SNTG2: variants seen among roughly 807,000 people sequenced by gnomAD.
The protein encoded by SNTG2 is gamma-2-syntrophin.
A neutral mutation model predicts 70.9 loss-of-function variants in SNTG2; 74 were observed. The ratio of observed to expected loss-of-function variants is 1.04; its 90% CI spans 0.86 to 1.27. The LOEUF (loss-of-function observed/expected upper bound fraction) is 1.27, where lower values mean the gene tolerates loss of function less well. Among genes scored for constraint, SNTG2 ranks in the 50% most tolerant of loss-of-function variants. The probability of loss-of-function intolerance (pLI) is 0.00; values close to 1 mark genes in which losing one functional copy is unlikely to be tolerated. For missense variants in SNTG2, 717 were observed against 690.7 expected, an observed-to-expected ratio of 1.04 and a Z score of -0.43; for synonymous variants, 278 against 273.8, an observed-to-expected ratio of 1.02 and a Z score of -0.15.
chr2:977,630 G>A lies in SNTG2; in HGVS notation c.72+26562G>A, dbSNP rs1000341884. 2.6e-5 allele frequency among the ~76,000 whole-genome samples: 4 copies of A among 152,080 alleles called. No individual in the cohort carries two copies. In the East Asian group the frequency reaches 5.8e-4, roughly 22 times the overall value. The stretch of plus-strand genomic sequence containing the variant: ...CAATGGTCCATCTTGCCTGTGAGTC[G>A]TAAGTCAGGTCTCATCCCCTTGGTG... On this transcript the variant is annotated intron_variant, in intron 1 of 16. Transcript: ENST00000308624.
At chr2:1,364,056 C>T (rs539611381) in intron 16 of SNTG2, among the ~76,000 whole-genome samples, 194 of 152,218 alleles carry the variant, frequency 1.3e-3, no homozygotes, top group Middle Eastern at 3.4e-3. Context: ...CTGCAACTTC[C>T]GCCTCCCGGG....
chr2:1,132,944 T>C (rs1413389944), intron 4 of SNTG2, among the ~76,000 whole-genome samples: 1 of 152,200 alleles, frequency 6.6e-6, no homozygotes, highest in Non-Finnish European at 1.5e-5. Context: ...TTGTTTAGTT[T>C]TGCTTGGTTT....
chr2:965,186 GGTCCCCAGTCCTCCTCCTGGTCCCCAA>G (rs1316527077), intron 1 of SNTG2, among the ~76,000 whole-genome samples: 1 of 123,754 alleles, frequency 8.1e-6, no homozygotes. Flanking sequence ...TCCTCCTCCT[GGTCCCCAGTCCTCCTCCTGGTCCCCAA>G]TCCTCCTCCT....
At chr2:956,317 C>T (rs905603436) in intron 1 of SNTG2, among the ~76,000 whole-genome samples, 8 of 151,768 alleles carry the variant, frequency 5.3e-5, no homozygotes, top group East Asian at 3.9e-4. Flanking sequence ...GCATTCTGCG[C>T]GGACCTTTCC....
At chr2:1,312,602 G>T (rs113766476) in intron 15 of SNTG2, among the ~76,000 whole-genome samples, 1 of 152,170 alleles carries the variant, frequency 6.6e-6, no homozygotes, top group African/African-American at 2.4e-5. Context: ...CAGAACCACC[G>T]CAGGATTCAC....
intron 8 of SNTG2, among the ~76,000 whole-genome samples, chr2:1,174,572 C>T (rs894018217): frequency 1.3e-5 from 2 of 152,068 alleles, no homozygotes; most frequent in African/African-American, 2.4e-5. Context: ...TTTCTGAGTG[C>T]TAGATTATAC....
At chr2:1,016,935 A>T (rs555418780) in intron 1 of SNTG2, among the ~76,000 whole-genome samples, 2 of 152,274 alleles carry the variant, frequency 1.3e-5, no homozygotes, top group South Asian at 4.1e-4. Context: ...AATTACTGGA[A>T]TCATACCTTA....
At chr2:973,927 A>G (rs1001106746) in intron 1 of SNTG2, among the ~76,000 whole-genome samples, 18 of 152,178 alleles carry the variant, frequency 1.2e-4, no homozygotes, top group African/African-American at 4.3e-4. Context: ...CATGTGTTTC[A>G]TTAAACTCGT....
chr2:993,499 A>G (rs567739232), intron 1 of SNTG2, among the ~76,000 whole-genome samples: 33 of 152,164 alleles, frequency 2.2e-4, no homozygotes, highest in East Asian at 3.9e-4. Flanking sequence ...CTGGTTTTCA[A>G]TTCTCTTAAG....
At chr2:1,250,500 ATC>A (rs1677690217) in intron 12 of SNTG2, among the ~76,000 whole-genome samples, 1 of 147,384 alleles carries the variant, frequency 6.8e-6, no homozygotes, top group South Asian at 2.2e-4. Flanking sequence ...TGTCTGACTC[ATC>A]TCTCTGTCTC....
chr2:1,263,787 A>G (rs542123309), intron 13 of SNTG2, among the ~76,000 whole-genome samples: 1 of 152,366 alleles, frequency 6.6e-6, no homozygotes, highest in Non-Finnish European at 1.5e-5. Context: ...AGTTATGACA[A>G]CATTTTTATC....
At chr2:1,051,409 TAAC>T (rs1445157642) in intron 1 of SNTG2, among the ~76,000 whole-genome samples, 2 of 152,190 alleles carry the variant, frequency 1.3e-5, no homozygotes, top group Admixed American at 6.5e-5. Flanking sequence ...AGGCTTTAGG[TAAC>T]AACATTTGTC....
At chr2:1,362,077 T>C (rs1247009079) in intron 16 of SNTG2, among the ~76,000 whole-genome samples, 1 of 152,210 alleles carries the variant, frequency 6.6e-6, no homozygotes, top group Non-Finnish European at 1.5e-5. Flanking sequence ...TCACTGAGGC[T>C]GAGCATTTCA....
intron 6 of SNTG2, among the ~76,000 whole-genome samples, chr2:1,154,160 C>T (rs537190996): frequency 4.0e-5 from 6 of 150,386 alleles, no homozygotes; most frequent in East Asian, 2.0e-4. Flanking sequence ...GGAAAGGGCG[C>T]GGGCGGGGAG....
At chr2:1,215,798 T>A (rs1266602970) in intron 9 of SNTG2, among the ~76,000 whole-genome samples, 1 of 147,826 alleles carries the variant, frequency 6.8e-6, no homozygotes, top group Non-Finnish European at 1.5e-5. Context: ...AGTGAGAACA[T>A]GCAGTGTTTG....
intron 9 of SNTG2, among the ~76,000 whole-genome samples, chr2:1,218,069 C>T (rs1056979820): frequency 3.9e-5 from 6 of 152,018 alleles, no homozygotes; most frequent in African/African-American, 1.4e-4. Flanking sequence ...CCTTTGTCAG[C>T]CAAGGGCTGC....
At chr2:1,205,176 A>G (rs1476221698) in intron 8 of SNTG2, among the ~76,000 whole-genome samples, 1 of 152,196 alleles carries the variant, frequency 6.6e-6, no homozygotes, top group Non-Finnish European at 1.5e-5. Context: ...GTCCATACAT[A>G]CATGCCTTGA....
Position 1,121,702 on chromosome 2 carries a change from T to C in SNTG2, c.326-15920T>C, listed in dbSNP as rs1025888062. ...GGCAGGAGGAACTAGCTACCACTTG[T>C]AGAACCATCAGACCTTGTGAGAACC... On this transcript the variant is annotated intron_variant, in intron 4 of 16. Transcript: ENST00000308624. Among the ~76,000 whole-genome samples, 155 of 152,246 alleles carry C rather than the reference T, an allele frequency of 1.0e-3. 1 individual carries two copies. The highest frequency in any genetic ancestry group is 3.5e-3 in the African/African-American group (147 of 41,548).
chr2:1,363,128 G>GTCC (rs1661289923), intron 16 of SNTG2, among the ~76,000 whole-genome samples: 2 of 62,898 alleles, frequency 3.2e-5, no homozygotes, highest in African/African-American at 5.5e-5. Flanking sequence ...TCACAAAATG[G>GTCC]ACCCCCCCCA....
Sources: allele counts gnomAD v4.1 joint callset (sites outside exome capture counted in the v4.1 genomes callset), GRCh38; gene constraint gnomAD v4.1.1; transcripts MANE v1.5; gene names NCBI Gene and HGNC (gene_info 2026-07-23, HGNC 2026-07-21).